KHDRBS2: variants seen among roughly 807,000 people sequenced by gnomAD.
KHDRBS2 encodes the protein KH domain-containing, RNA-binding, signal transduction-associated protein 2.
KHDRBS2 carries 26 observed loss-of-function variants against 44.3 expected under a neutral mutation model. That is an observed-to-expected ratio of 0.59 (90% CI 0.43 to 0.81). The LOEUF is 0.81. KHDRBS2 is among the 40% of genes least tolerant of loss of function. The pLI is 0.00. For missense variants in KHDRBS2, 476 were observed against 433.1 expected, an observed-to-expected ratio of 1.10 and a Z score of -0.88; for synonymous variants, 194 against 151.1, an observed-to-expected ratio of 1.28 and a Z score of -2.08.
intron 1 of KHDRBS2, among the ~76,000 whole-genome samples, chr6:62,210,063 T>C (rs746264065): frequency 1.3e-5 from 2 of 152,140 alleles, no homozygotes; most frequent in Non-Finnish European, 2.9e-5. Flanking sequence ...TATACATCTA[T>C]CCTACTTGTT....
At chr6:61,920,655 C>T (rs1807915135) in intron 4 of KHDRBS2, among the ~76,000 whole-genome samples, 1 of 151,856 alleles carries the variant, frequency 6.6e-6, no homozygotes, top group South Asian at 2.1e-4. Context: ...AGATTAAGGT[C>T]TAGGGTGAGA....
At chr6:61,891,243 A>G (rs866842252) in intron 6 of KHDRBS2, among the ~76,000 whole-genome samples, 51 of 152,372 alleles carry the variant, frequency 3.3e-4, no homozygotes, top group African/African-American at 1.2e-3. Flanking sequence ...TCATTTTCAT[A>G]GTACAATGAT....
intron 2 of KHDRBS2, among the ~76,000 whole-genome samples, chr6:62,142,493 C>T (rs951097274): frequency 6.6e-6 from 1 of 151,976 alleles, no homozygotes; most frequent in African/African-American, 2.4e-5. Flanking sequence ...GTTCGTTTTA[C>T]GTGCAAATGT....
intron 6 of KHDRBS2, among the ~76,000 whole-genome samples, chr6:61,746,361 T>C (rs1384408345): frequency 2.0e-5 from 3 of 152,108 alleles, no homozygotes; most frequent in African/African-American, 4.8e-5. Context: ...CCTGTGTCCA[T>C]GTGGTCTCAC....
chr6:62,213,102 T>C (rs1186889831), intron 1 of KHDRBS2, among the ~76,000 whole-genome samples: 5 of 152,088 alleles, frequency 3.3e-5, no homozygotes, highest in Admixed American at 1.3e-4. Flanking sequence ...ACGTAGCAAG[T>C]GTAGGATTCC....
the KHDRBS2 span, among the ~76,000 whole-genome samples, chr6:61,555,688 C>G: frequency 3.9e-5 from 6 of 152,140 alleles, no homozygotes; most frequent in African/African-American, 7.2e-5. Context: ...TTGTTTGTTT[C>G]GCTTGCTTGT....
At chr6:61,636,761 T>A in the KHDRBS2 span, among the ~76,000 whole-genome samples, 1 of 152,076 alleles carries the variant, frequency 6.6e-6, no homozygotes, top group East Asian at 1.9e-4. Context: ...ATCTTACACC[T>A]CTATTTCAAA....
intron 1 of KHDRBS2, among the ~76,000 whole-genome samples, chr6:62,284,453 A>G (rs1842198382): frequency 1.3e-5 from 2 of 152,162 alleles, no homozygotes; most frequent in Admixed American, 6.5e-5. Flanking sequence ...TTAAACATCT[A>G]TTAACACATT....
At chr6:61,773,479 T>G (rs1269999503) in intron 6 of KHDRBS2, among the ~76,000 whole-genome samples, 1 of 152,184 alleles carries the variant, frequency 6.6e-6, no homozygotes, top group African/African-American at 2.4e-5. Context: ...GCCCACTTTT[T>G]GATGGGGTTG....
chr6:61,977,635 C>A lies in KHDRBS2; in HGVS notation c.483+431G>T, dbSNP rs1173217501. 2.0e-4 allele frequency among the ~76,000 whole-genome samples: 30 copies of A among 152,094 alleles called. 1 individual carries two copies. The highest frequency in any genetic ancestry group is 1.2e-4 in the Non-Finnish European group (8 of 67,978). ...TACATTGGATATGTTTAAATGATAT[C>A]ATTGTCTTATTTCAAATTATTACAT... On this transcript the variant is annotated intron_variant, in intron 4 of 8. Transcript: ENST00000281156.
chr6:61,953,333 T>A (rs1765164214), intron 4 of KHDRBS2, among the ~76,000 whole-genome samples: 1 of 152,044 alleles, frequency 6.6e-6, no homozygotes, highest in Non-Finnish European at 1.5e-5. Context: ...CTTACAAGAC[T>A]TGTAAAAATT....
At chr6:62,074,600 T>A (rs1285558672) in intron 2 of KHDRBS2, among the ~76,000 whole-genome samples, 4 of 151,884 alleles carry the variant, frequency 2.6e-5, no homozygotes, top group African/African-American at 9.7e-5. Context: ...TTCTATCTTC[T>A]TGAGATGAAT....
intron 8 of KHDRBS2, among the ~76,000 whole-genome samples, chr6:61,685,544 A>G (rs1451029921): frequency 2.6e-5 from 4 of 151,778 alleles, no homozygotes; most frequent in Non-Finnish European, 5.9e-5. Context: ...CAAAAGTTCT[A>G]TCTGTTTTTT....
intron 2 of KHDRBS2, among the ~76,000 whole-genome samples, chr6:62,128,250 G>T (rs1809436110): frequency 6.6e-6 from 1 of 151,982 alleles, no homozygotes; most frequent in Non-Finnish European, 1.5e-5. Context: ...ATGACTCTGG[G>T]CTCATTTTCC....
intron 2 of KHDRBS2, among the ~76,000 whole-genome samples, chr6:62,097,764 T>C (rs1800941289): frequency 6.6e-6 from 1 of 152,152 alleles, no homozygotes; most frequent in Admixed American, 6.5e-5. Context: ...ATTTTGTTAT[T>C]TGTTTTCTTA....
chr6:62,229,987 A>G (rs1475298694), intron 1 of KHDRBS2, among the ~76,000 whole-genome samples: 2 of 152,204 alleles, frequency 1.3e-5, no homozygotes, highest in Admixed American at 1.3e-4. Context: ...CATTGGCATT[A>G]GAAACATAAT....
At chr6:62,225,971 T>C (rs1831733889) in intron 1 of KHDRBS2, among the ~76,000 whole-genome samples, 1 of 152,242 alleles carries the variant, frequency 6.6e-6, no homozygotes, top group African/African-American at 2.4e-5. Context: ...AGGTCTTTGC[T>C]ATTGTAAATA....
intron 6 of KHDRBS2, among the ~76,000 whole-genome samples, chr6:61,868,181 T>C (rs564921570): frequency 2.0e-5 from 3 of 151,830 alleles, no homozygotes; most frequent in Non-Finnish European, 2.9e-5. Context: ...GGAGGAAGAA[T>C]GGAATAGGGT....
the KHDRBS2 span, among the ~76,000 whole-genome samples, chr6:61,543,127 TA>T: frequency 6.6e-6 from 1 of 151,860 alleles, no homozygotes; most frequent in Non-Finnish European, 1.5e-5. Context: ...CACATCATGT[TA>T]AAAACCTTCT....
Sources: allele counts gnomAD v4.1 joint callset (sites outside exome capture counted in the v4.1 genomes callset), GRCh38; gene constraint gnomAD v4.1.1; transcripts MANE v1.5; gene names NCBI Gene and HGNC (gene_info 2026-07-23, HGNC 2026-07-21).